Variants in NCKAP5 observed in about 807,000 individuals in gnomAD.
The protein encoded by NCKAP5 is NCK associated protein 5.
Under a neutral mutation model 167.0 loss-of-function variants are expected in NCKAP5, and 92 were observed. The observed-to-expected ratio is 0.55, with a 90% CI of 0.47 to 0.66. NCKAP5 has a LOEUF of 0.66. Among genes scored for constraint, NCKAP5 ranks in the 30% least tolerant of loss-of-function variants. The pLI, the probability that NCKAP5 is intolerant of heterozygous loss-of-function variation, is 0.00. For missense variants in NCKAP5, 2,378 were observed against 2,315.0 expected, an observed-to-expected ratio of 1.03 and a Z score of -0.56; for synonymous variants, 891 against 877.4, an observed-to-expected ratio of 1.02 and a Z score of -0.27.
At chr2:133,626,428 G>C in the NCKAP5 span, among the ~76,000 whole-genome samples, 1 of 149,100 alleles carries the variant, frequency 6.7e-6, no homozygotes, top group African/African-American at 2.5e-5. Flanking sequence ...TTATAGGATA[G>C]ACAAACAGGT....
intron 11 of NCKAP5, among the ~76,000 whole-genome samples, chr2:132,818,620 G>A (rs1686469417): frequency 6.6e-6 from 1 of 152,320 alleles, no homozygotes; most frequent in East Asian, 1.9e-4. Context: ...CCCGGGAGGT[G>A]GTGGTTGCAG....
intron 6 of NCKAP5, among the ~76,000 whole-genome samples, chr2:133,071,484 G>A (rs926469186): frequency 6.6e-5 from 10 of 152,108 alleles, no homozygotes; most frequent in African/African-American, 2.4e-4. Context: ...AATCACAGTG[G>A]CCCTAACATG....
At chr2:133,001,351 T>C (rs775302123) in intron 6 of NCKAP5, among the ~76,000 whole-genome samples, 34 of 151,760 alleles carry the variant, frequency 2.2e-4, no homozygotes, top group Non-Finnish European at 4.6e-4. Flanking sequence ...TCCAGATAGC[T>C]GGAACTAAAG....
At chr2:132,971,604 A>T (rs1179984758) in intron 7 of NCKAP5, among the ~76,000 whole-genome samples, 1 of 152,216 alleles carries the variant, frequency 6.6e-6, no homozygotes, top group South Asian at 2.1e-4. Context: ...TGCTGCTGCA[A>T]TAGGCTATGC....
At chr2:132,688,019 C>G (rs1311172581) in intron 19 of NCKAP5, among the ~76,000 whole-genome samples, 2 of 152,164 alleles carry the variant, frequency 1.3e-5, no homozygotes, top group Admixed American at 1.3e-4. Context: ...TCCTGCAACT[C>G]TGAACGACTA....
intron 2 of NCKAP5, among the ~76,000 whole-genome samples, chr2:133,556,235 C>T (rs911276970): frequency 2.6e-5 from 4 of 152,138 alleles, no homozygotes; most frequent in Non-Finnish European, 5.9e-5. Flanking sequence ...TACTTAGGTG[C>T]AATTATCTGT....
chr2:133,336,481 T>C (rs1259162198), intron 3 of NCKAP5, among the ~76,000 whole-genome samples: 1 of 152,184 alleles, frequency 6.6e-6, no homozygotes, highest in Non-Finnish European at 1.5e-5. Flanking sequence ...ACAAATGTCT[T>C]GGTAAATGTT....
At chr2:133,245,292 T>G (rs1482377892) in intron 4 of NCKAP5, among the ~76,000 whole-genome samples, 2 of 152,140 alleles carry the variant, frequency 1.3e-5, no homozygotes, top group African/African-American at 4.8e-5. Context: ...GCCCCGTAAC[T>G]AGAATGAAGT....
intron 5 of NCKAP5, among the ~76,000 whole-genome samples, chr2:133,163,838 C>A (rs1171865915): frequency 2.0e-5 from 3 of 152,132 alleles, no homozygotes; most frequent in Non-Finnish European, 2.9e-5. Context: ...GAGATGAATT[C>A]CAATTCAAAG....
chr2:132,933,198 T>C (rs577489348), intron 8 of NCKAP5, among the ~76,000 whole-genome samples: 16 of 152,262 alleles, frequency 1.1e-4, no homozygotes, highest in African/African-American at 3.6e-4. Context: ...GTGCTGGGAT[T>C]ATCCTCTACT....
intron 2 of NCKAP5, among the ~76,000 whole-genome samples, chr2:133,544,463 A>C (rs554200722): frequency 1.3e-5 from 2 of 152,276 alleles, no homozygotes; most frequent in African/African-American, 4.8e-5. Flanking sequence ...ATTTCTTGAC[A>C]ATTTGATTTT....
At chr2:133,074,997 C>CA (rs1170695534) in intron 6 of NCKAP5, among the ~76,000 whole-genome samples, 2 of 151,740 alleles carry the variant, frequency 1.3e-5, no homozygotes, top group African/African-American at 4.8e-5. Context: ...AGAAGCTCAG[C>CA]AAATATCAAG....
chr2:133,175,434 A>G (rs1334943193), intron 5 of NCKAP5, among the ~76,000 whole-genome samples: 6 of 152,154 alleles, frequency 3.9e-5, no homozygotes, highest in Admixed American at 3.9e-4. Context: ...TACTAGGATT[A>G]GAGAGGAATC....
intron 8 of NCKAP5, among the ~76,000 whole-genome samples, chr2:132,903,903 T>C (rs1693812351): frequency 6.6e-6 from 1 of 151,848 alleles, no homozygotes; most frequent in Admixed American, 6.6e-5. Context: ...TTTTCAGGGG[T>C]ATAAAATATA....
chr2:133,569,422 T>C (rs1287994801), upstream of NCKAP5, among the ~76,000 whole-genome samples: 1 of 152,222 alleles, frequency 6.6e-6, no homozygotes, highest in Non-Finnish European at 1.5e-5. Context: ...TACTTGCTGC[T>C]TTTTATATAC....
chr2:133,445,909 G>C (rs1046480026), intron 3 of NCKAP5, among the ~76,000 whole-genome samples: 2 of 152,196 alleles, frequency 1.3e-5, no homozygotes, highest in African/African-American at 4.8e-5. Flanking sequence ...AGACCTTATT[G>C]CTGGACCAAG....
chr2:132,879,494 T>TA (rs770550413), intron 8 of NCKAP5, among the ~76,000 whole-genome samples: 1 of 152,224 alleles, frequency 6.6e-6, no homozygotes, highest in Admixed American at 6.5e-5. Flanking sequence ...TAGAGCCATG[T>TA]GGGTATGTGG....
At chr2:132,706,734 C>T (rs1234152037) in intron 19 of NCKAP5, among the ~76,000 whole-genome samples, 1 of 152,058 alleles carries the variant, frequency 6.6e-6, no homozygotes, top group African/African-American at 2.4e-5. Flanking sequence ...GGCTGTTAGA[C>T]AGCTGCTTCC....
chr2:133,585,864 A>C, the NCKAP5 span, among the ~76,000 whole-genome samples: 1 of 152,182 alleles, frequency 6.6e-6, no homozygotes, highest in East Asian at 1.9e-4. Flanking sequence ...TATTTTTTCT[A>C]TTCAGAAATA....
Sources: allele counts gnomAD v4.1 joint callset (sites outside exome capture counted in the v4.1 genomes callset), GRCh38; gene constraint gnomAD v4.1.1; transcripts MANE v1.5; gene names NCBI Gene and HGNC (gene_info 2026-07-23, HGNC 2026-07-21).